CHST3: variants seen among roughly 807,000 people sequenced by gnomAD.
CHST3 encodes C6ST-1.
A neutral mutation model predicts 35.4 loss-of-function variants in CHST3; 20 were observed. That is an observed-to-expected ratio of 0.57 (90% CI 0.40 to 0.82). CHST3 has a LOEUF of 0.82. CHST3 is among the 40% of genes least tolerant of loss of function. The probability of loss-of-function intolerance (pLI) is 0.00; values close to 1 mark genes in which losing one functional copy is unlikely to be tolerated. For synonymous variants in CHST3, 334 were observed against 295.9 expected, an observed-to-expected ratio of 1.13 and a Z score of -1.32; for missense variants, 693 against 670.1, an observed-to-expected ratio of 1.03 and a Z score of -0.38.
rs879678320 is a variant in CHST3 at position 72,012,351 on chromosome 10, G to A, written c.*3880G>A. On this transcript the variant is annotated 3_prime_UTR_variant, in exon 3 of 3. Transcript: ENST00000373115. ...CCGGGTCATCCTCTCCTATACTAGG[G>A]CCTATTGACCGTAGAGGCCAGGTGC... is the stretch of plus-strand genomic sequence containing the variant. 2.6e-5 allele frequency: 4 copies of A among 152,220 alleles called. No homozygotes were observed. Among genetic ancestry groups the A allele is most frequent in the Admixed American group, 6.5e-5 (1 of 15,272 alleles). The allele number at this position is 152,220 out of a possible 1,614,324, so 9.4% of individuals were successfully genotyped here.
chr10:71,970,915 G>A (rs988800170), intron 1 of CHST3, among the ~76,000 whole-genome samples: 3 of 152,210 alleles, frequency 2.0e-5, no homozygotes, highest in African/African-American at 7.2e-5. Flanking sequence ...AAAAATGTCA[G>A]GTTTCTTTGC....
At chr10:71,998,227 G>A (rs553595869) in intron 1 of CHST3, among the ~76,000 whole-genome samples, 35 of 152,368 alleles carry the variant, frequency 2.3e-4, no homozygotes, top group Admixed American at 7.8e-4. Flanking sequence ...GGTGCCCCCT[G>A]CATGGCTTGC....
At chr10:71,985,728 A>G (rs1589501384) in intron 1 of CHST3, among the ~76,000 whole-genome samples, 1 of 152,272 alleles carries the variant, frequency 6.6e-6, no homozygotes, top group African/African-American at 2.4e-5. Context: ...CGCAATTTTA[A>G]TAAATTGTAC....
At chr10:71,987,028 C>T (rs1005653310) in intron 1 of CHST3, among the ~76,000 whole-genome samples, 2 of 152,168 alleles carry the variant, frequency 1.3e-5, no homozygotes, top group Admixed American at 6.5e-5. Flanking sequence ...CAAGTCTGTC[C>T]GAGTTCAGGG....
Position 72,005,874 on chromosome 10 carries a change from G to T in CHST3, c.32G>T (p.Cys11Phe). MEKGLTLPQD[C>F]RDFVHSLKMR... is the part of the protein sequence containing the mutation. The stretch of plus-strand genomic sequence containing the variant: ...AAAGGACTCACTTTGCCCCAGGACT[G>T]CCGGGACTTTGTGCACAGCCTGAAG... The change falls in exon 2 of 3, where the codon TGC becomes TTC. Residue 11 changes from cysteine to phenylalanine, a missense_variant. Physicochemically the swap from Cys to Phe is radical, Grantham distance 205 (BLOSUM62 -2). Transcript: ENST00000373115. 1.2e-6 allele frequency: 2 copies of T among 1,614,262 alleles called. No individual in the cohort carries two copies. Among genetic ancestry groups the T allele is most frequent in the Non-Finnish European group, 1.7e-6 (2 of 1,180,048 alleles).
rs971956671 is a variant in CHST3, at chr10:72,008,025, G to A, written c.994G>A (p.Gly332Ser). The change falls in exon 3 of 3, where the codon GGC (glycine) becomes AGC (serine). Residue 332 changes from glycine to serine, a missense_variant. By Grantham distance (56) the Gly-to-Ser change is moderately conservative. Coordinates refer to ENST00000373115, the MANE Select transcript of CHST3 (RefSeq NM_004273.5). ...GTGGCTGGACGACGAGGGCCAGGAC[G>A]GCCTGAGGGAAGAGGAGGTGCAGCG... ...KKWLDDEGQDGLREEEVQRLR... is the reference protein window; with the variant it reads ...KKWLDDEGQDSLREEEVQRLR... The A allele has an allele frequency of 7.0e-5, 109 of 1,549,396 alleles. No homozygotes were observed. The highest frequency in any genetic ancestry group is 9.2e-5 in the Non-Finnish European group (105 of 1,146,512).
chr10:71,989,934 G>C (rs1489846813), intron 1 of CHST3, among the ~76,000 whole-genome samples: 2 of 152,184 alleles, frequency 1.3e-5, no homozygotes, highest in Non-Finnish European at 2.9e-5. Context: ...AATCATTACA[G>C]AGTATTGCAC....
chr10:71,973,905 A>G (rs1383652802), intron 1 of CHST3, among the ~76,000 whole-genome samples: 1 of 152,238 alleles, frequency 6.6e-6, no homozygotes, highest in Non-Finnish European at 1.5e-5. Flanking sequence ...TATAGGATAC[A>G]CGAGGAGAGA....
At chr10:71,972,707 T>C (rs1246316297) in intron 1 of CHST3, among the ~76,000 whole-genome samples, 1 of 152,174 alleles carries the variant, frequency 6.6e-6, no homozygotes, top group Admixed American at 6.5e-5. Flanking sequence ...TTCCCCAGCC[T>C]CACCTGGACT....
intron 1 of CHST3, among the ~76,000 whole-genome samples, chr10:71,965,451 C>A (rs1050600315): frequency 6.6e-6 from 1 of 152,200 alleles, no homozygotes; most frequent in Admixed American, 6.5e-5. Context: ...GATGTGCTTC[C>A]TCCAGGGACT....
rs1215666678 is a variant in CHST3, at chr10:71,986,804, A to G, written c.-107-18932A>G. Among the ~76,000 whole-genome samples the G allele has an allele frequency of 2.6e-5, 4 of 152,184 alleles. No homozygotes were observed. In the South Asian group the frequency reaches 8.3e-4, roughly 32 times the overall value. Reference sequence around the variant, plus strand: ...ATGGGGAGAGATGTACCCAAGAAATACCAACCAACAGTGCCATTGGCATAG... The same window carrying G: ...ATGGGGAGAGATGTACCCAAGAAATGCCAACCAACAGTGCCATTGGCATAG... On this transcript the variant is annotated intron_variant, in intron 1 of 2. Transcript: ENST00000373115.
rs563761692 is a variant in CHST3, at chr10:72,007,413, G to C, written c.382G>C (p.Val128Leu). Residue 128 changes from valine (V) to leucine (L), a missense_variant, in exon 3 of 3, where the codon GTG (valine) becomes CTG (leucine). Transcript: ENST00000373115. ...RKEEEPPRPA[V>L]AGPRRHVLLM... is the part of the protein sequence containing the mutation. ...GGAGGAGGAGCCGCCCAGACCGGCCGTGGCGGGGCCCCGGCGCCACGTGCT... is the reference window on the plus strand; with the variant it reads ...GGAGGAGGAGCCGCCCAGACCGGCCCTGGCGGGGCCCCGGCGCCACGTGCT... The C allele has an allele frequency of 1.9e-4, 300 of 1,605,456 alleles. 1 individual carries two copies. In the South Asian group the frequency reaches 3.0e-3, roughly 16 times the overall value.
At chr10:71,967,281 T>C (rs947917272) in intron 1 of CHST3, among the ~76,000 whole-genome samples, 13 of 152,284 alleles carry the variant, frequency 8.5e-5, no homozygotes, top group African/African-American at 3.1e-4. Flanking sequence ...TCTGACACAC[T>C]GCACAGGCCC....
chr10:72,005,914 C>T lies in CHST3; in HGVS notation c.72C>T (p.Tyr24=), dbSNP rs542040061. 18 of 1,614,186 alleles carry T rather than the reference C, an allele frequency of 1.1e-5. No homozygotes were observed. The highest frequency in any genetic ancestry group is 2.7e-5 in the African/African-American group (2 of 75,054). The change falls in exon 2 of 3, where the codon TAC becomes TAT. Residue 24 remains tyrosine, a synonymous_variant. Transcript: ENST00000373115. The part of the protein sequence containing the change: ...FVHSLKMRSK[Y]ALFLVFVVIV... ...ACAGCCTGAAGATGAGAAGCAAATA[C>T]GCCCTTTTCTTGGTTTTTGTGGTGA...
chr10:71,980,591 C>T (rs1465316860), intron 1 of CHST3, among the ~76,000 whole-genome samples: 1 of 152,206 alleles, frequency 6.6e-6, no homozygotes, highest in Non-Finnish European at 1.5e-5. Flanking sequence ...AAACAATCTG[C>T]TCCCCTCTCC....
In CHST3 at chr10:71,977,664, A is replaced by ATTGT. The variant is rs67217368; in HGVS notation, c.-108+12990_-108+12993dup. On this transcript the variant is annotated intron_variant, in intron 1 of 2. Transcript: ENST00000373115. ...TCTATGTTGCCCAGGCTGGAGCTTG[A>ATTGT]TTGTTTGTTTGTTTGTTTGTTTGAA... Among the ~76,000 whole-genome samples the ATTGT allele has an allele frequency of 5.6e-3, 840 of 150,670 alleles. 11 individuals are homozygous for ATTGT. The highest frequency in any genetic ancestry group is 0.018 in the African/African-American group (756 of 41,016).
At chr10:71,976,161 A>C (rs913359175) in intron 1 of CHST3, among the ~76,000 whole-genome samples, 2 of 152,112 alleles carry the variant, frequency 1.3e-5, no homozygotes, top group African/African-American at 4.8e-5. Flanking sequence ...GTAGGAGAAA[A>C]GCTCTTGGAG....
chr10:71,974,403 G>A (rs995511575), intron 1 of CHST3, among the ~76,000 whole-genome samples: 1 of 152,208 alleles, frequency 6.6e-6, no homozygotes, highest in Non-Finnish European at 1.5e-5. Context: ...GTCAGAGCCA[G>A]TAATAACACC....
chr10:71,999,480 C>T (rs1349198528), intron 1 of CHST3, among the ~76,000 whole-genome samples: 1 of 152,256 alleles, frequency 6.6e-6, no homozygotes, highest in African/African-American at 2.4e-5. Context: ...GCTCCTCCTC[C>T]AGCTCGTGGG....
Sources: gnomAD v4.1 joint callset for allele counts (sites outside exome capture counted in the v4.1 genomes callset) on GRCh38, gnomAD v4.1.1 for gene constraint, MANE v1.5 for transcripts, NCBI Gene and HGNC (gene_info 2026-07-23, HGNC 2026-07-21) for gene names.